DERA: variants seen among roughly 807,000 people sequenced by gnomAD.
The protein encoded by DERA is deoxyribose-phosphate aldolase.
Under a neutral mutation model 41.1 loss-of-function variants are expected in DERA, and 15 were observed. The observed-to-expected ratio is 0.37, with a 90% CI of 0.24 to 0.56. The LOEUF is 0.56. Among genes scored for constraint, DERA ranks in the 20% least tolerant of loss-of-function variants. The pLI, the probability that DERA is intolerant of heterozygous loss-of-function variation, is 0.81. For missense variants in DERA, 396 were observed against 403.4 expected, an observed-to-expected ratio of 0.98 and a Z score of 0.16; for synonymous variants, 139 against 137.4, an observed-to-expected ratio of 1.01 and a Z score of -0.08.
At chr12:15,937,336 G>A (rs1275103453) in intron 1 of DERA, among the ~76,000 whole-genome samples, 1 of 152,222 alleles carries the variant, frequency 6.6e-6, no homozygotes, top group Non-Finnish European at 1.5e-5. Context: ...TACTTCAGAA[G>A]CGATGCTGTG....
In DERA at chr12:15,911,389, C is replaced by T. The variant is rs1948161988; in HGVS notation, c.6C>T (p.Ser2=). The part of the protein sequence containing the change: M[S]AHNRGTELDL... ...GCTCCGGAGCTGCCCGCGCCATGTC[C>T]GCGCACAATCGGGGCACCGAGCTCG... is the stretch of plus-strand genomic sequence containing the variant. The change falls in exon 1 of 9, where the codon TCC becomes TCT. Residue 2 remains serine, a synonymous_variant. Transcript: ENST00000428559. This position sits in a 1 kb window ranked among gnomAD's most constrained non-coding sequence, Gnocchi z 4.5. 6 of 1,404,686 alleles carry T rather than the reference C, an allele frequency of 4.3e-6. No homozygotes were observed. The highest frequency in any genetic ancestry group is 1.8e-6 in the Non-Finnish European group (2 of 1,091,686). The allele number at this position is 1,404,686 out of a possible 1,614,324, so 87.0% of individuals were successfully genotyped here. A position where few individuals can be genotyped will look rare whatever the true frequency, so the allele number is the denominator to read the frequency against.
chr12:15,947,383 G>C (rs1565591913), intron 1 of DERA, among the ~76,000 whole-genome samples: 1 of 152,122 alleles, frequency 6.6e-6, no homozygotes, highest in Non-Finnish European at 1.5e-5. Context: ...TTATGAATCT[G>C]GGTGCTCCTG....
chr12:15,968,086 C>CTTTTTTTTT (rs368286741), intron 5 of DERA, among the ~76,000 whole-genome samples: 3 of 141,872 alleles, frequency 2.1e-5, no homozygotes, highest in East Asian at 2.1e-4. Flanking sequence ...TCTTCTTCTT[C>CTTTTTTTTT]TTTTTTTTTT....
chr12:15,929,950 C>T (rs573071541), intron 1 of DERA, among the ~76,000 whole-genome samples: 1 of 152,202 alleles, frequency 6.6e-6, no homozygotes, highest in East Asian at 1.9e-4. Context: ...ATTGGACTTT[C>T]AGTGAGACTG....
At position 16,001,785 on chromosome 12, in the gene DERA, C is replaced by T. The variant is rs1177162345; in HGVS notation, c.637+19349C>T. ...AGACCGAATGCTCTGTCTCCTGCTTCCCTGAGTCAGAAGTGGCAGGCACAC... is the reference window on the plus strand; with the variant it reads ...AGACCGAATGCTCTGTCTCCTGCTTTCCTGAGTCAGAAGTGGCAGGCACAC... On this transcript the variant is annotated intron_variant, in intron 6 of 8. Coordinates refer to ENST00000428559, the MANE Select transcript of DERA (RefSeq NM_015954.4). The surrounding 1 kb of genome is among the most constrained non-coding windows in gnomAD (Gnocchi z 4.1). Among the ~76,000 whole-genome samples, 1 of 152,160 alleles carries T rather than the reference C, an allele frequency of 6.6e-6. No individual in the cohort carries two copies. The highest frequency in any genetic ancestry group is 2.1e-4 in the South Asian group (1 of 4,832).
In DERA at chr12:16,009,574, C is replaced by T. The variant is rs139464065; in HGVS notation, c.638-22968C>T. Among the ~76,000 whole-genome samples, 1 of 152,080 alleles carries T rather than the reference C, an allele frequency of 6.6e-6. No homozygotes were observed. The highest frequency in any genetic ancestry group is 1.5e-5 in the Non-Finnish European group (1 of 68,016). On this transcript the variant is annotated intron_variant, in intron 6 of 8. Transcript: ENST00000428559. This position sits in a 1 kb window ranked among gnomAD's most constrained non-coding sequence, Gnocchi z 5.3. ...GTCTCTAACCCAGTTTCCCAAATGCCTTTTTACTTTGTAGGTTATCATTGT... is the reference window on the plus strand; with the variant it reads ...GTCTCTAACCCAGTTTCCCAAATGCTTTTTTACTTTGTAGGTTATCATTGT...
intron 7 of DERA, among the ~76,000 whole-genome samples, chr12:16,034,409 G>A (rs1171172175): frequency 6.6e-6 from 1 of 152,180 alleles, no homozygotes; most frequent in Non-Finnish European, 1.5e-5. Flanking sequence ...CTGTCTTTCA[G>A]TCCTTTCTTT....
At chr12:16,034,622 T>C (rs1487349655) in intron 7 of DERA, among the ~76,000 whole-genome samples, 1 of 152,212 alleles carries the variant, frequency 6.6e-6, no homozygotes, top group Non-Finnish European at 1.5e-5. Context: ...ATAAAGTTTC[T>C]ACGTCATTGA....
At position 15,998,886 on chromosome 12, in the gene DERA, G is replaced by A. The variant is rs910214593; in HGVS notation, c.637+16450G>A. On this transcript the variant is annotated intron_variant, in intron 6 of 8. Coordinates refer to ENST00000428559, the MANE Select transcript of DERA (RefSeq NM_015954.4). This position sits in a 1 kb window ranked among gnomAD's most constrained non-coding sequence, Gnocchi z 4.8. ...TGTAGCCTGTGTCAGTTGCACTATAGGTCCTAACCAACGCATATACAGTGT... is the reference window on the plus strand; with the variant it reads ...TGTAGCCTGTGTCAGTTGCACTATAAGTCCTAACCAACGCATATACAGTGT... 1.3e-5 allele frequency among the ~76,000 whole-genome samples: 2 copies of A among 152,032 alleles called. No homozygotes were observed. The highest frequency in any genetic ancestry group is 2.9e-5 in the Non-Finnish European group (2 of 68,008).
At chr12:16,030,294 T>C (rs1949083957) in intron 6 of DERA, among the ~76,000 whole-genome samples, 1 of 152,018 alleles carries the variant, frequency 6.6e-6, no homozygotes, top group South Asian at 2.1e-4. Flanking sequence ...TTAGGTGATA[T>C]CCATTATTAT....
chr12:15,947,279 G>A (rs771500208), intron 1 of DERA, among the ~76,000 whole-genome samples: 2 of 152,056 alleles, frequency 1.3e-5, no homozygotes, highest in Admixed American at 6.6e-5. Context: ...TTTCTGTCTC[G>A]TTGATCTGTC....
Position 16,032,399 on chromosome 12 carries a change from G to A in DERA, c.638-143G>A, listed in dbSNP as rs1592059559. The A allele has an allele frequency of 5.8e-5, 33 of 569,378 alleles. No homozygotes were observed. The East Asian group carries it at 1.0e-3, about 18-fold the overall frequency. 35.3% of individuals were successfully genotyped at this position (569,378 alleles called of 1,614,324 possible). On this transcript the variant is annotated intron_variant, in intron 6 of 8. Coordinates refer to ENST00000428559, the MANE Select transcript of DERA (RefSeq NM_015954.4). ...CATAATCATTTTAAAGGGAGATTTT[G>A]GTTTTAGTTTTTCCAATAATTAATG... is the stretch of plus-strand genomic sequence containing the variant.
At chr12:15,964,543 G>A (rs1174601643) in intron 5 of DERA, among the ~76,000 whole-genome samples, 1 of 152,098 alleles carries the variant, frequency 6.6e-6, no homozygotes, top group African/African-American at 2.4e-5. Context: ...AGATATCTCT[G>A]TTCCTATATA....
At chr12:16,016,569 G>A (rs118155575) in intron 6 of DERA, among the ~76,000 whole-genome samples, 2,176 of 152,034 alleles carry the variant, frequency 0.014, 22 homozygotes, top group Non-Finnish European at 0.019. Context: ...AGAGGCCGAG[G>A]TGGGCAGATT....
chr12:15,952,532 T>A (rs541700535), intron 1 of DERA, among the ~76,000 whole-genome samples: 114 of 152,272 alleles, frequency 7.5e-4, no homozygotes, highest in African/African-American at 2.6e-3. Flanking sequence ...GTGTACACAT[T>A]ATAAAAAAAA....
At chr12:16,015,945 A>T (rs1386316342) in intron 6 of DERA, among the ~76,000 whole-genome samples, 1 of 151,824 alleles carries the variant, frequency 6.6e-6, no homozygotes, top group African/African-American at 2.4e-5. Flanking sequence ...TTAAATTGAG[A>T]TATAATTTAT....
intron 5 of DERA, among the ~76,000 whole-genome samples, chr12:15,979,038 G>A (rs1458196146): frequency 1.3e-5 from 2 of 152,110 alleles, no homozygotes; most frequent in Non-Finnish European, 1.5e-5. Flanking sequence ...GTAAAGTTGG[G>A]GTGTGAATCC....
At position 15,921,794 on chromosome 12, in the gene DERA, C is replaced by T. The variant is rs959904173; in HGVS notation, c.31+10380C>T. ...TAAAAAAATTAACCGGGCTTGGTGG[C>T]GAGCGCCTGTAATCCCAGCTACTCG... On this transcript the variant is annotated intron_variant, in intron 1 of 8. Coordinates refer to ENST00000428559, the MANE Select transcript of DERA (RefSeq NM_015954.4). This position sits in a 1 kb window ranked among gnomAD's most constrained non-coding sequence, Gnocchi z 5.3. Among the ~76,000 whole-genome samples the T allele has an allele frequency of 3.3e-5, 5 of 151,856 alleles. No homozygotes were observed. The highest frequency in any genetic ancestry group is 3.3e-4 in the Admixed American group (5 of 15,242).
At position 16,001,487 on chromosome 12, in the gene DERA, G is replaced by A. The variant is rs915097607; in HGVS notation, c.637+19051G>A. 5.9e-5 allele frequency among the ~76,000 whole-genome samples: 9 copies of A among 152,140 alleles called. No homozygotes were observed. Among genetic ancestry groups the A allele is most frequent in the East Asian group, 1.9e-4 (1 of 5,188 alleles). Reference sequence around the variant, plus strand: ...TCACACAGAGACCAGAAAGAGATTCGTGCTCAGTAACAAAGAGAGAGTAAT... The same window carrying A: ...TCACACAGAGACCAGAAAGAGATTCATGCTCAGTAACAAAGAGAGAGTAAT... On this transcript the variant is annotated intron_variant, in intron 6 of 8. Transcript: ENST00000428559. The surrounding 1 kb of genome is among the most constrained non-coding windows in gnomAD (Gnocchi z 4.1).
Sources: allele counts gnomAD v4.1 joint callset (sites outside exome capture counted in the v4.1 genomes callset), GRCh38; gene constraint gnomAD v4.1.1; non-coding constraint Gnocchi (gnomAD v3.1); transcripts MANE v1.5; gene names NCBI Gene and HGNC (gene_info 2026-07-23, HGNC 2026-07-21).